Variants in TULP4 observed in about 807,000 individuals in gnomAD.
TULP4 encodes the protein tubby-related protein 4.
A neutral mutation model predicts 129.0 loss-of-function variants in TULP4; 16 were observed. The ratio of observed to expected loss-of-function variants is 0.12; its 90% CI spans 0.08 to 0.19. The LOEUF is 0.19. Ranked by LOEUF, TULP4 falls within the 10% of genes least tolerant of loss-of-function variation. The pLI is 1.00. For synonymous variants in TULP4, 998 were observed against 854.0 expected (o/e 1.17, Z -2.94); for missense variants, 1,842 against 2,059.1 (o/e 0.89, Z 2.04).
chr6:158,388,322 CTTTTTT>C (rs10650311), intron 1 of TULP4, among the ~76,000 whole-genome samples: 3 of 86,260 alleles, frequency 3.5e-5, no homozygotes, highest in African/African-American at 5.0e-5. Context: ...GCTCGTTTTT[CTTTTTT>C]TTTTTTTTTT....
chr6:158,313,966 T>C lies in TULP4; in HGVS notation c.-51T>C. 6.3e-7 allele frequency: 1 copy of C among 1,582,036 alleles called. No individual in the cohort carries two copies. Among genetic ancestry groups the C allele is most frequent in the Non-Finnish European group, 8.6e-7 (1 of 1,163,182 alleles). On this transcript the variant is annotated 5_prime_UTR_variant, in exon 1 of 14. Coordinates refer to ENST00000367097, the MANE Select transcript of TULP4 (RefSeq NM_020245.5). Reference sequence around the variant, plus strand: ...TACCAATGAAAGAAATTGGTTTAAATTTCACAGCATTAACATTACTTTTTA... The same window carrying C: ...TACCAATGAAAGAAATTGGTTTAAACTTCACAGCATTAACATTACTTTTTA...
chr6:158,316,210 C>T (rs1167345992), intron 1 of TULP4, among the ~76,000 whole-genome samples: 1 of 151,942 alleles, frequency 6.6e-6, no homozygotes, highest in Non-Finnish European at 1.5e-5. Flanking sequence ...ATTTGGATTG[C>T]TTCCAGTTTT....
intron 3 of TULP4, 107 bp downstream of exon 3, chr6:158,430,004 A>G: frequency 9.2e-7 from 1 of 1,084,882 alleles, no homozygotes; most frequent in Non-Finnish European, 1.3e-6. Flanking sequence ...TTTAAGAATC[A>G]CAATGGAAAA....
At chr6:158,391,657 G>A (rs1319982211) in intron 1 of TULP4, among the ~76,000 whole-genome samples, 2 of 152,214 alleles carry the variant, frequency 1.3e-5, no homozygotes, top group Non-Finnish European at 2.9e-5. Context: ...TAAGGAGAAT[G>A]AATTGTGAAT....
chr6:158,496,509 C>A (rs971192462), intron 11 of TULP4, among the ~76,000 whole-genome samples: 1 of 152,176 alleles, frequency 6.6e-6, no homozygotes, highest in Non-Finnish European at 1.5e-5. Context: ...TCACAATGGA[C>A]CATCCCTGTA....
intron 1 of TULP4, among the ~76,000 whole-genome samples, chr6:158,331,802 C>T: frequency 1.5e-5 from 2 of 132,130 alleles, no homozygotes; most frequent in African/African-American, 2.8e-5. Context: ...CCTACATACA[C>T]ACATTCAGTA....
intron 1 of TULP4, among the ~76,000 whole-genome samples, chr6:158,259,122 C>T (rs975859123): frequency 1.3e-5 from 2 of 152,104 alleles, no homozygotes; most frequent in African/African-American, 4.8e-5. Flanking sequence ...CCCAGCTACT[C>T]GAGAGGCTGA....
chr6:158,256,838 G>A (rs1334562118), intron 1 of TULP4, among the ~76,000 whole-genome samples: 1 of 152,164 alleles, frequency 6.6e-6, no homozygotes, highest in Non-Finnish European at 1.5e-5. Context: ...ATGCTGATCA[G>A]TGGGTATCCA....
intron 6 of TULP4, among the ~76,000 whole-genome samples, chr6:158,476,379 G>A (rs972691623): frequency 6.6e-6 from 1 of 152,036 alleles, no homozygotes; most frequent in African/African-American, 2.4e-5. Context: ...ATTCCTTTGA[G>A]ACCCTGCAGA....
At chr6:158,242,830 G>A in intron 1 of TULP4, 1 of 240,736 alleles carries the variant, frequency 4.2e-6, no homozygotes, top group Non-Finnish European at 8.2e-6. Flanking sequence ...TGTCGCCCAG[G>A]CTGGAGTGCA....
intron 1 of TULP4, among the ~76,000 whole-genome samples, chr6:158,318,791 T>G (rs1248049353): frequency 6.6e-6 from 1 of 152,058 alleles, no homozygotes; most frequent in Non-Finnish European, 1.5e-5. Context: ...AGTGGCACAA[T>G]CACCGCTCAC....
chr6:158,472,317 A>G (rs1054522203), intron 6 of TULP4, among the ~76,000 whole-genome samples: 4 of 152,156 alleles, frequency 2.6e-5, no homozygotes, highest in African/African-American at 9.7e-5. Flanking sequence ...TGGATCCTGA[A>G]TTTAAACTAT....
At chr6:158,280,062 A>G (rs939137127), upstream of TULP4, among the ~76,000 whole-genome samples, 1 of 152,204 alleles carries the variant, frequency 6.6e-6, no homozygotes, top group Non-Finnish European at 1.5e-5. Context: ...CAGTTTGGTA[A>G]GAAGGAAAGT....
chr6:158,244,188 C>T (rs9348183), intron 1 of TULP4, among the ~76,000 whole-genome samples: 49,997 of 151,962 alleles, frequency 0.33, 9,220 homozygotes, highest in Admixed American at 0.45. Context: ...CCTTCTGACA[C>T]GTCTCTAGTA....
chr6:158,305,328 T>C (rs1330740294), intron 1 of TULP4, among the ~76,000 whole-genome samples: 6 of 83,016 alleles, frequency 7.2e-5, no homozygotes, highest in African/African-American at 2.6e-4. Flanking sequence ...TGTGTGCGTG[T>C]GTGTGTGTGT....
At chr6:158,460,824 T>G (rs1779405983) in intron 5 of TULP4, among the ~76,000 whole-genome samples, 1 of 152,056 alleles carries the variant, frequency 6.6e-6, no homozygotes, top group African/African-American at 2.4e-5. Context: ...ATAAACTCTC[T>G]GAGTCATCCC....
Position 158,501,808 on chromosome 6 carries a change from C to T in TULP4, c.2145C>T (p.Ala715=), listed in dbSNP as rs1780451591. 1.1e-5 allele frequency: 17 copies of T among 1,614,026 alleles called. No individual in the cohort carries two copies. The highest frequency in any genetic ancestry group is 1.4e-5 in the Non-Finnish European group (16 of 1,180,048). Residue 715 remains alanine, a synonymous_variant, in exon 13 of 14, where the codon GCC becomes GCT. Coordinates refer to ENST00000367097, the MANE Select transcript of TULP4 (RefSeq NM_020245.5). ...QSIGLVQSLL[A]NQNVQLDVLT... is the part of the protein sequence containing the mutation. ...TAGGGCTGGTGCAGTCCCTACTGGC[C>T]AATCAGAATGTGCAGCTAGATGTCC...
chr6:158,290,304 C>T (rs1440865739), intron 1 of TULP4, among the ~76,000 whole-genome samples: 4 of 152,158 alleles, frequency 2.6e-5, no homozygotes, highest in Non-Finnish European at 4.4e-5. Context: ...TTTTCATGTA[C>T]CTGCTCTCCA....
At position 158,325,874 on chromosome 6, in the gene TULP4, A is replaced by G. The variant is rs551058771; in HGVS notation, c.252+11606A>G. On this transcript the variant is annotated intron_variant, in intron 1 of 13. Transcript: ENST00000367097. ...TAAATGCTAAGAATGAAAAATAGCA[A>G]TGTTCTAACTCCTGTCTCCCCCCCT... Among the ~76,000 whole-genome samples, 6 of 152,168 alleles carry G rather than the reference A, an allele frequency of 3.9e-5. No homozygotes were observed. The South Asian group carries it at 1.2e-3, about 32-fold the overall frequency.
Sources: allele counts gnomAD v4.1 joint callset (sites outside exome capture counted in the v4.1 genomes callset), GRCh38; gene constraint gnomAD v4.1.1; transcripts MANE v1.5; gene names NCBI Gene and HGNC (gene_info 2026-07-23, HGNC 2026-07-21).